Variants in KIAA1217 observed in about 807,000 individuals in gnomAD.
The protein encoded by KIAA1217 is KIAA1217.
In KIAA1217, 88 loss-of-function variants were observed where a neutral mutation model predicts 163.9. The ratio of observed to expected loss-of-function variants is 0.54; its 90% CI spans 0.45 to 0.64. The LOEUF is 0.64. Among genes scored for constraint, KIAA1217 ranks in the 30% least tolerant of loss-of-function variants. The pLI is 0.00. For synonymous variants in KIAA1217, 903 were observed against 923.1 expected (o/e 0.98, Z 0.39); for missense variants, 2,372 against 2,475.0 (o/e 0.96, Z 0.88).
rs368410697 is a variant in KIAA1217 at position 24,328,934 on chromosome 10, A to G, written c.355-51935A>G. On this transcript the variant is annotated intron_variant, in intron 2 of 20. Coordinates refer to ENST00000376454, the MANE Select transcript of KIAA1217 (RefSeq NM_019590.5). Reference sequence around the variant, plus strand: ...ACATAACTTTATAGGGTTCGCCAGTAGCATTGTTATGATTTATACCATATC... The same window carrying G: ...ACATAACTTTATAGGGTTCGCCAGTGGCATTGTTATGATTTATACCATATC... Among the ~76,000 whole-genome samples the G allele has an allele frequency of 1.1e-4, 17 of 152,006 alleles. No individual in the cohort carries two copies. The East Asian group carries it at 2.3e-3, about 21-fold the overall frequency.
intron 1 of KIAA1217, among the ~76,000 whole-genome samples, chr10:23,952,167 T>C (rs974549371): frequency 1.3e-5 from 2 of 152,252 alleles, no homozygotes; most frequent in African/African-American, 2.4e-5. Context: ...AGATTGGGGA[T>C]GTTTTAAGAT....
At position 24,229,622 on chromosome 10, in the gene KIAA1217, A is replaced by G. The variant is rs186422184; in HGVS notation, c.354+9713A>G. Among the ~76,000 whole-genome samples, 42 of 152,282 alleles carry G rather than the reference A, an allele frequency of 2.8e-4. 1 individual carries two copies. Among genetic ancestry groups the G allele is most frequent in the Middle Eastern group, 6.8e-3 (2 of 294 alleles). The stretch of plus-strand genomic sequence containing the variant: ...AACCTCCGCCTCCCGGGTTCAAGCA[A>G]GTCTCCTGCCTCAGCCTCCCAAGTA... On this transcript the variant is annotated intron_variant, in intron 2 of 20. Transcript: ENST00000376454.
intron 3 of KIAA1217, among the ~76,000 whole-genome samples, chr10:24,397,882 C>T (rs2056029511): frequency 6.6e-6 from 1 of 152,176 alleles, no homozygotes; most frequent in African/African-American, 2.4e-5. Flanking sequence ...CTGAGTGTAC[C>T]CGGAAGCAGC....
chr10:23,901,974 G>T (rs908479099), intron 1 of KIAA1217, among the ~76,000 whole-genome samples: 1 of 151,334 alleles, frequency 6.6e-6, no homozygotes, highest in South Asian at 2.1e-4. Flanking sequence ...AACATACTTG[G>T]ATATGTATCC....
intron 2 of KIAA1217, among the ~76,000 whole-genome samples, chr10:24,346,128 C>T (rs1268781908): frequency 6.6e-6 from 1 of 152,136 alleles, no homozygotes; most frequent in Admixed American, 6.6e-5. Context: ...CCTCAAGGTT[C>T]ACGTATGTGG....
At chr10:24,408,493 C>A (rs2057442562) in intron 3 of KIAA1217, among the ~76,000 whole-genome samples, 1 of 152,158 alleles carries the variant, frequency 6.6e-6, no homozygotes, top group South Asian at 2.1e-4. Context: ...CACATCACAC[C>A]TTTCCTCTAT....
chr10:23,885,592 C>T lies in KIAA1217; in HGVS notation c.-320-121633C>T, dbSNP rs775526918. Among the ~76,000 whole-genome samples, 161 of 152,010 alleles carry T rather than the reference C, an allele frequency of 1.1e-3. 1 individual carries two copies. Among genetic ancestry groups the T allele is most frequent in the Admixed American group, 5.4e-3 (83 of 15,262 alleles). On this transcript the variant is annotated intron_variant, in intron 1 of 18. Coordinates refer to the KIAA1217 transcript ENST00000376462. ...TCTCCTTAAGTCCATGGATGAACTC[C>T]GTAAGTCCAGGAAAAGTCTCTCATT...
intron 2 of KIAA1217, among the ~76,000 whole-genome samples, chr10:24,247,889 C>G (rs1336529976): frequency 2.0e-5 from 3 of 152,188 alleles, no homozygotes; most frequent in Admixed American, 6.5e-5. Context: ...TTCTTAACAC[C>G]TATATTTTGC....
At chr10:24,104,135 C>T (rs2131725355) in intron 2 of KIAA1217, among the ~76,000 whole-genome samples, 1 of 152,272 alleles carries the variant, frequency 6.6e-6, no homozygotes, top group South Asian at 2.1e-4. Context: ...AGACTTTTAC[C>T]ATGTGATCCA....
intron 1 of KIAA1217, among the ~76,000 whole-genome samples, chr10:24,004,547 A>C (rs2131471905): frequency 6.6e-6 from 1 of 152,346 alleles, no homozygotes. Flanking sequence ...TCTCCAGATT[A>C]GATTCTAGAG....
chr10:23,985,644 C>T (rs945931434), intron 1 of KIAA1217, among the ~76,000 whole-genome samples: 7 of 152,124 alleles, frequency 4.6e-5, no homozygotes, highest in South Asian at 2.1e-4. Flanking sequence ...CTGTATTAGT[C>T]GATATTCAAT....
intron 3 of KIAA1217, among the ~76,000 whole-genome samples, chr10:24,390,440 C>T (rs564683450): frequency 8.0e-6 from 1 of 124,608 alleles, no homozygotes; most frequent in East Asian, 2.7e-4. Context: ...TTAAATAGGC[C>T]AGTAGTATGG....
At chr10:23,812,911 G>A (rs1036789410) in intron 1 of KIAA1217, among the ~76,000 whole-genome samples, 1 of 152,112 alleles carries the variant, frequency 6.6e-6, no homozygotes, top group African/African-American at 2.4e-5. Context: ...GAACATTCAT[G>A]TGCAACTTTT....
At chr10:24,186,842 A>G (rs2066456228) in intron 2 of KIAA1217, among the ~76,000 whole-genome samples, 1 of 152,180 alleles carries the variant, frequency 6.6e-6, no homozygotes, top group Non-Finnish European at 1.5e-5. Context: ...GTGGGCCAAG[A>G]CGGTGGCACT....
intron 1 of KIAA1217, among the ~76,000 whole-genome samples, chr10:23,726,950 TGCCATTTCCATGCCATTTGTATAG>T (rs1459012411): frequency 3.7e-4 from 56 of 151,108 alleles, no homozygotes; most frequent in Non-Finnish European, 6.2e-4. Flanking sequence ...TTTAATTCCA[TGCCATTTCCATGCCATTTGTATAG>T]GCCTCTTTTT....
At chr10:24,406,491 G>A in intron 3 of KIAA1217, among the ~76,000 whole-genome samples, 1 of 152,042 alleles carries the variant, frequency 6.6e-6, no homozygotes, top group East Asian at 1.9e-4. Flanking sequence ...GCACATGTTT[G>A]TTGACAGGTT....
chr10:24,393,745 G>A (rs2055323024), intron 3 of KIAA1217, among the ~76,000 whole-genome samples: 2 of 152,214 alleles, frequency 1.3e-5, no homozygotes. Context: ...AGAAGACCAT[G>A]TGAAGACATA....
chr10:24,073,705 G>A (rs190089609), intron 2 of KIAA1217, among the ~76,000 whole-genome samples: 1 of 152,276 alleles, frequency 6.6e-6, no homozygotes, highest in African/African-American at 2.4e-5. Flanking sequence ...TGTGCTGTGT[G>A]GAGGCTTTGA....
At chr10:24,094,736 G>C (rs547704342) in intron 2 of KIAA1217, among the ~76,000 whole-genome samples, 3 of 152,312 alleles carry the variant, frequency 2.0e-5, no homozygotes, top group African/African-American at 7.2e-5. Context: ...CCAGCTGCGT[G>C]CTGGGAGAAC....
Sources: allele counts gnomAD v4.1 joint callset (sites outside exome capture counted in the v4.1 genomes callset), GRCh38; gene constraint gnomAD v4.1.1; transcripts MANE v1.5; gene names NCBI Gene and HGNC (gene_info 2026-07-23, HGNC 2026-07-21).